The following ZC3H14 variants were observed in gnomAD, a reference collection of about 807,000 sequenced individuals.
ZC3H14 encodes the protein zinc finger CCCH-type containing 14.
Under a neutral mutation model 92.4 loss-of-function variants are expected in ZC3H14, and 31 were observed. That is an observed-to-expected ratio of 0.34 (90% CI 0.25 to 0.45). The LOEUF (loss-of-function observed/expected upper bound fraction) is 0.45, where lower values mean the gene tolerates loss of function less well. Among genes scored for constraint, ZC3H14 ranks in the 20% least tolerant of loss-of-function variants. ZC3H14 has a pLI of 1.00. For missense variants in ZC3H14, 781 were observed against 897.3 expected, an observed-to-expected ratio of 0.87 and a Z score of 1.66; for synonymous variants, 321 against 300.9, an observed-to-expected ratio of 1.07 and a Z score of -0.69.
rs2086983310 is a variant in ZC3H14, at chr14:88,612,823, G to C, written c.*1072G>C. 3 of 152,538 alleles carry C rather than the reference G, an allele frequency of 2.0e-5. No individual in the cohort carries two copies. The South Asian group carries it at 6.2e-4, about 32-fold the overall frequency. 9.4% of individuals were successfully genotyped at this position (152,538 alleles called of 1,614,324 possible). ...GTGGTTTTTAAAACTGTTAAGGCAA[G>C]AAGTGTCAAATGCTTTAGAGTTAAA... On this transcript the variant is annotated 3_prime_UTR_variant, in exon 17 of 17. Coordinates refer to ENST00000251038, the MANE Select transcript of ZC3H14 (RefSeq NM_024824.5).
intron 9 of ZC3H14, among the ~76,000 whole-genome samples, chr14:88,581,833 T>A (rs7146438): frequency 0.94 from 143,114 of 152,190 alleles, 67,737 homozygotes; most frequent in Non-Finnish European, 1. Flanking sequence ...AATGACATTT[T>A]AAAAAAATAA....
intron 9 of ZC3H14, among the ~76,000 whole-genome samples, chr14:88,583,814 G>A (rs1250014564): frequency 1.3e-5 from 2 of 152,330 alleles, no homozygotes; most frequent in Admixed American, 1.3e-4. Flanking sequence ...CATTTATTCA[G>A]TAGATAAAGC....
At chr14:88,603,402 A>G (rs994581963) in intron 12 of ZC3H14, among the ~76,000 whole-genome samples, 1 of 152,206 alleles carries the variant, frequency 6.6e-6, no homozygotes, top group African/African-American at 2.4e-5. Context: ...CCCTTTTATC[A>G]GCAATAGTCT....
intron 9 of ZC3H14, among the ~76,000 whole-genome samples, chr14:88,578,503 T>C (rs2081452355): frequency 6.6e-6 from 1 of 152,308 alleles, no homozygotes; most frequent in East Asian, 1.9e-4. Context: ...TTCTCAAAAA[T>C]GGAAAGGCTA....
Position 88,622,655 on chromosome 14 carries a change from C to A in ZC3H14, c.*10904C>A, listed in dbSNP as rs1459386697. 1 of 1,611,700 alleles carries A rather than the reference C, an allele frequency of 6.2e-7. No individual in the cohort carries two copies. Among genetic ancestry groups the A allele is most frequent in the Admixed American group, 1.7e-5 (1 of 59,764 alleles). On this transcript the variant is annotated 3_prime_UTR_variant, in exon 17 of 17. Transcript: ENST00000251038. ...AATCTGTGGCTTGTCCTGTCTCAAG[C>A]CTGAAGGCACGGCACCGCCTCAGTT...
chr14:88,622,921 G>T lies in ZC3H14; in HGVS notation c.*11170G>T. 1 of 398,148 alleles carries T rather than the reference G, an allele frequency of 2.5e-6. No individual in the cohort carries two copies. The highest frequency in any genetic ancestry group is 4.4e-6 in the Non-Finnish European group (1 of 225,808). The allele number at this position is 398,148 out of a possible 1,614,324, so 24.7% of individuals were successfully genotyped here. A position where few individuals can be genotyped will look rare whatever the true frequency, so the allele number is the denominator to read the frequency against. On this transcript the variant is annotated 3_prime_UTR_variant, in exon 17 of 17. Coordinates refer to ENST00000251038, the MANE Select transcript of ZC3H14 (RefSeq NM_024824.5). ...GTCAAAATAAACATCCAGTTTCAGT[G>T]AATTTTATTTTGAGAAATACTCTTT...
intron 9 of ZC3H14, among the ~76,000 whole-genome samples, chr14:88,584,816 C>T (rs2082287135): frequency 6.6e-6 from 1 of 152,112 alleles, no homozygotes; most frequent in Admixed American, 6.6e-5. Flanking sequence ...GCTGGACATG[C>T]TCCCAAGAAG....
chr14:88,594,719 T>C (rs367547067), intron 9 of ZC3H14: 25 of 1,613,862 alleles, frequency 1.5e-5, no homozygotes, highest in Non-Finnish European at 2.0e-5. Flanking sequence ...GAGGTTCCTG[T>C]CACCTTTATG....
chr14:88,578,781 GTT>G (rs35101368), intron 9 of ZC3H14, among the ~76,000 whole-genome samples: 1,045 of 76,784 alleles, frequency 0.014, 5 homozygotes, highest in African/African-American at 0.046. Context: ...TTGCTTCCAG[GTT>G]TTTTTTTTTT....
chr14:88,625,748 G>A lies in ZC3H14; in HGVS notation c.*13997G>A, dbSNP rs1192123034. On this transcript the variant is annotated 3_prime_UTR_variant, in exon 17 of 17. Transcript: ENST00000251038. ...GTCTTATATTAAGAATACCCAAAAT[G>A]TTCAACTGAAATTTGACATGGCACA... 1 of 152,112 alleles carries A rather than the reference G, an allele frequency of 6.6e-6. No individual in the cohort carries two copies. Among genetic ancestry groups the A allele is most frequent in the Admixed American group, 6.5e-5 (1 of 15,272 alleles). 9.4% of individuals were successfully genotyped at this position (152,112 alleles called of 1,614,324 possible).
intron 7 of ZC3H14, 127 bp from the exon 8 acceptor site, chr14:88,575,713 T>C (rs2081076251): frequency 1.4e-6 from 1 of 731,332 alleles, no homozygotes; most frequent in East Asian, 2.7e-5. Context: ...GTAGTTGGCA[T>C]TTTCTAAAAA....
rs2087491198 is a variant in ZC3H14 at position 88,615,728 on chromosome 14, G to A, written c.*3977G>A. The A allele has an allele frequency of 5.7e-6, 7 of 1,230,124 alleles. No individual in the cohort carries two copies. The highest frequency in any genetic ancestry group is 8.1e-6 in the Non-Finnish European group (7 of 866,920). The allele number at this position is 1,230,124 out of a possible 1,614,324, so 76.2% of individuals were successfully genotyped here. A position where few individuals can be genotyped will look rare whatever the true frequency, so the allele number is the denominator to read the frequency against. Reference sequence around the variant, plus strand: ...TTCTCCCTGTTACAGTCTTGGGTTAGCACCACTTGACCATGCAGGGTTGGG... The same window carrying A: ...TTCTCCCTGTTACAGTCTTGGGTTAACACCACTTGACCATGCAGGGTTGGG... On this transcript the variant is annotated 3_prime_UTR_variant, in exon 17 of 17. Transcript: ENST00000251038.
chr14:88,573,495 G>A (rs987475418), intron 6 of ZC3H14, among the ~76,000 whole-genome samples: 25 of 151,960 alleles, frequency 1.6e-4, no homozygotes, highest in African/African-American at 5.3e-4. Context: ...GTGTGATGGC[G>A]CGATCTCAAC....
In ZC3H14 at chr14:88,618,111, CAA is replaced by C; in HGVS notation, c.*6364_*6365del. The C allele has an allele frequency of 2.7e-6, 2 of 730,378 alleles. No individual in the cohort carries two copies. The highest frequency in any genetic ancestry group is 4.3e-6 in the Non-Finnish European group (2 of 462,154). 45.2% of individuals were successfully genotyped at this position (730,378 alleles called of 1,614,324 possible). A position where few individuals can be genotyped will look rare whatever the true frequency, so the allele number is the denominator to read the frequency against. On this transcript the variant is annotated 3_prime_UTR_variant, in exon 17 of 17. Transcript: ENST00000251038. ...AACATACCATTTCAAAATATGGTAA[CAA>C]AAACTTGAAACTCAATTACTATTCC...
chr14:88,576,023 G>T, intron 8 of ZC3H14, 83 bp downstream of exon 8: 1 of 1,213,190 alleles, frequency 8.2e-7, no homozygotes, highest in Non-Finnish European at 1.2e-6. Flanking sequence ...TCCTTAAATT[G>T]TAAAATAAAG....
chr14:88,591,768 C>G (rs966585674), intron 9 of ZC3H14: 5 of 152,112 alleles, frequency 3.3e-5, no homozygotes, highest in Non-Finnish European at 7.3e-5. Flanking sequence ...TGTTTACTTA[C>G]GCACACACAC....
In ZC3H14 at chr14:88,625,139, T is replaced by TG; in HGVS notation, c.*13393dup. ...AACGTCAAGTTATTCTGAAAAGGAG[T>TG]GGGGGAGGGGGAGACAAACTCATCA... On this transcript the variant is annotated 3_prime_UTR_variant, in exon 17 of 17. Coordinates refer to ENST00000251038, the MANE Select transcript of ZC3H14 (RefSeq NM_024824.5). 1 of 1,612,340 alleles carries TG rather than the reference T, an allele frequency of 6.2e-7. No homozygotes were observed. The highest frequency in any genetic ancestry group is 1.3e-5 in the African/African-American group (1 of 74,740).
At chr14:88,576,437 T>G (rs1005883713) in intron 8 of ZC3H14, among the ~76,000 whole-genome samples, 1 of 152,236 alleles carries the variant, frequency 6.6e-6, no homozygotes, top group South Asian at 2.1e-4. Context: ...ATGTTCCTGC[T>G]CCAATTCTAG....
At chr14:88,574,205 A>G (rs1595545794) in intron 6 of ZC3H14, 2 of 154,372 alleles carry the variant, frequency 1.3e-5, no homozygotes, top group East Asian at 1.9e-4. Context: ...TGTTTTAGCT[A>G]AAGGTTGACT....
Sources: allele counts gnomAD v4.1 joint callset (sites outside exome capture counted in the v4.1 genomes callset), GRCh38; gene constraint gnomAD v4.1.1; transcripts MANE v1.5; gene names NCBI Gene and HGNC (gene_info 2026-07-23, HGNC 2026-07-21).